RAB11B: variants seen among roughly 807,000 people sequenced by gnomAD.
RAB11B encodes the protein RAB11B, member RAS oncogene family, also known as ras-related protein Rab-11B.
A neutral mutation model predicts 23.7 loss-of-function variants in RAB11B; 7 were observed. The ratio of observed to expected loss-of-function variants is 0.29; its 90% confidence interval spans 0.17 to 0.55. The LOEUF (loss-of-function observed/expected upper bound fraction) is 0.55, where lower values mean the gene tolerates loss of function less well. Ranked by LOEUF, RAB11B falls within the 20% of genes least tolerant of loss-of-function variation. The pLI is 0.93. For synonymous variants in RAB11B, 138 were observed against 132.0 expected, an observed-to-expected ratio of 1.05 and a Z score of -0.31; for missense variants, 189 against 320.0, an observed-to-expected ratio of 0.59 and a Z score of 3.12.
chr19:8,396,021 G>A lies in RAB11B; in HGVS notation c.41-3842G>A, dbSNP rs1971394263. Among the ~76,000 whole-genome samples the A allele has an allele frequency of 6.6e-6, 1 of 152,214 alleles. No individual in the cohort carries two copies. Among genetic ancestry groups the A allele is most frequent in the South Asian group, 2.1e-4 (1 of 4,834 alleles). On this transcript the variant is annotated intron_variant, in intron 1 of 4. Coordinates refer to ENST00000328024, the MANE Select transcript of RAB11B (RefSeq NM_004218.4). This position sits in a 1 kb window ranked among gnomAD's most constrained non-coding sequence, Gnocchi z 5.0. ...CAAACATGCATAGCTTCAGGGTCCT[G>A]CTCTGCCCCGCACCCCGTTCCCCAT...
At position 8,396,628 on chromosome 19, in the gene RAB11B, G is replaced by A. The variant is rs1425859661; in HGVS notation, c.41-3235G>A. 1.3e-5 allele frequency among the ~76,000 whole-genome samples: 2 copies of A among 151,458 alleles called. No homozygotes were observed. Among genetic ancestry groups the A allele is most frequent in the East Asian group, 1.9e-4 (1 of 5,140 alleles). Reference sequence around the variant, plus strand: ...GCGTTTCTGGCAGCAGGAGCAACCCGTGCAAAGGCCCTGAGGCAGGATCGC... The same window carrying A: ...GCGTTTCTGGCAGCAGGAGCAACCCATGCAAAGGCCCTGAGGCAGGATCGC... On this transcript the variant is annotated intron_variant, in intron 1 of 4. Transcript: ENST00000328024. The surrounding 1 kb of genome is among the most constrained non-coding windows in gnomAD (Gnocchi z 5.0).
At chr19:8,400,220 A>ACC in intron 2 of RAB11B, 162 bp downstream of exon 2, 1 of 886,296 alleles carries the variant, frequency 1.1e-6, no homozygotes, top group Admixed American at 2.5e-5. Flanking sequence ...GCGCCGTGGG[A>ACC]CCCTCAGGCT....
intron 1 of RAB11B, among the ~76,000 whole-genome samples, chr19:8,395,432 A>G (rs1971389532): frequency 6.6e-6 from 1 of 151,878 alleles, no homozygotes; most frequent in South Asian, 2.1e-4. Context: ...TATTTTTCAT[A>G]GAGACGGGGT....
In RAB11B at chr19:8,403,579, G is replaced by C; in HGVS notation, c.*21G>C. The C allele has an allele frequency of 6.2e-7, 1 of 1,601,520 alleles. No homozygotes were observed. Among genetic ancestry groups the C allele is most frequent in the Non-Finnish European group, 8.5e-7 (1 of 1,171,640 alleles). ...TGTGACCCCTGCGCCTCCACCCAGC[G>C]TGCGTGCACGTCCTCCGCCCGCCCC... On this transcript the variant is annotated 3_prime_UTR_variant, in exon 5 of 5. Transcript: ENST00000328024.
chr19:8,399,829 G>A (rs1367060583), intron 1 of RAB11B, 34 bp from the exon 2 acceptor site: 1 of 1,602,468 alleles, frequency 6.2e-7, no homozygotes, highest in East Asian at 2.2e-5. Context: ...TGGGTGGAGT[G>A]TGGGGATTCA....
intron 1 of RAB11B, among the ~76,000 whole-genome samples, chr19:8,391,092 CTT>C (rs1168700353): frequency 1.3e-5 from 2 of 152,168 alleles, no homozygotes; most frequent in Non-Finnish European, 2.9e-5. Context: ...AATTCCATCT[CTT>C]CACTCAGAAC....
In RAB11B at chr19:8,390,371, G is replaced by A. The variant is rs372737756; in HGVS notation, c.-46G>A. The A allele has an allele frequency of 6.6e-7, 1 of 1,507,326 alleles. No individual in the cohort carries two copies. The highest frequency in any genetic ancestry group is 2.7e-5 in the East Asian group (1 of 36,882). 93.4% of individuals were successfully genotyped at this position (1,507,326 alleles called of 1,614,324 possible). A position where few individuals can be genotyped will look rare whatever the true frequency, so the allele number is the denominator to read the frequency against. ...CCGGCTCCGCCCCCGTCGGGTGTTT[G>A]TGGTGGGGCTGCGGAGTCGCCGATC... is the stretch of plus-strand genomic sequence containing the variant. On this transcript the variant is annotated 5_prime_UTR_variant, in exon 1 of 5. In the 5' UTR this introduces an upstream ATG that the reference lacks. Coordinates refer to ENST00000328024, the MANE Select transcript of RAB11B (RefSeq NM_004218.4).
At chr19:8,400,085 C>A in intron 2 of RAB11B, 27 bp downstream of exon 2, 1 of 1,601,640 alleles carries the variant, frequency 6.2e-7, no homozygotes, top group South Asian at 1.1e-5. Context: ...TGGGCAGGGA[C>A]GCTGAGATTC....
intron 2 of RAB11B, 133 bp downstream of exon 2, chr19:8,400,191 G>A (rs529029125): frequency 1.7e-6 from 2 of 1,151,464 alleles, no homozygotes; most frequent in South Asian, 3.0e-5. Flanking sequence ...GAGTGAGGCT[G>A]GAAGAACGCT....
chr19:8,402,027 G>T, intron 2 of RAB11B, 59 bp from the exon 3 acceptor site: 1 of 1,487,762 alleles, frequency 6.7e-7, no homozygotes. Context: ...GTTATCCCGT[G>T]AGGCTGCCGC....
rs371446650 is a variant in RAB11B, at chr19:8,402,079, C to G, written c.237-7C>G. The G allele has an allele frequency of 3.0e-4, 472 of 1,580,044 alleles. No homozygotes were observed. Among genetic ancestry groups the G allele is most frequent in the Non-Finnish European group, 3.8e-4 (446 of 1,162,200 alleles). On this transcript the variant is annotated splice_polypyrimidine_tract_variant and splice_region_variant and intron_variant, in intron 2 of 4. Coordinates refer to ENST00000328024, the MANE Select transcript of RAB11B (RefSeq NM_004218.4). The stretch of plus-strand genomic sequence containing the variant: ...CCAGAGAGGCTCATGGGCCCCTGAC[C>G]CTGCAGGTACTACCGTGGTGCAGTG...
Position 8,390,391 on chromosome 19 carries a change from C to G in RAB11B, c.-26C>G, listed in dbSNP as rs780876834. On this transcript the variant is annotated 5_prime_UTR_variant, in exon 1 of 5. Coordinates refer to ENST00000328024, the MANE Select transcript of RAB11B (RefSeq NM_004218.4). ...TGTTTGTGGTGGGGCTGCGGAGTCG[C>G]CGATCCCGCCGGAAGCGCCAGGACA... The G allele has an allele frequency of 1.2e-5, 19 of 1,527,442 alleles. No homozygotes were observed. Among genetic ancestry groups the G allele is most frequent in the Non-Finnish European group, 1.6e-5 (18 of 1,141,404 alleles). The allele number at this position is 1,527,442 out of a possible 1,614,324, so 94.6% of individuals were successfully genotyped here.
chr19:8,399,294 G>A (rs1450511411), intron 1 of RAB11B, among the ~76,000 whole-genome samples: 2 of 152,116 alleles, frequency 1.3e-5, no homozygotes, highest in African/African-American at 4.8e-5. Flanking sequence ...CACCATGTTG[G>A]CCAGGCTGGT....
rs751962516 is a variant in RAB11B at position 8,402,474 on chromosome 19, C to T, written c.431-11C>T. Reference sequence around the variant, plus strand: ...CCTCCCCACTCACCTAGGCAGTATTCTTTGTTCCAGAAAAGAACAACTTGT... The same window carrying T: ...CCTCCCCACTCACCTAGGCAGTATTTTTTGTTCCAGAAAAGAACAACTTGT... On this transcript the variant is annotated splice_polypyrimidine_tract_variant and intron_variant, in intron 3 of 4. Coordinates refer to ENST00000328024, the MANE Select transcript of RAB11B (RefSeq NM_004218.4). 1 of 1,611,500 alleles carries T rather than the reference C, an allele frequency of 6.2e-7. No individual in the cohort carries two copies. The highest frequency in any genetic ancestry group is 1.7e-5 in the Admixed American group (1 of 60,020).
intron 1 of RAB11B, chr19:8,390,730 G>A (rs1346244246): frequency 8.4e-6 from 3 of 355,898 alleles, no homozygotes; most frequent in African/African-American, 2.1e-5. Context: ...CGGAGCGGTG[G>A]GAGAGGCTGT....
intron 1 of RAB11B, chr19:8,390,699 G>C (rs904433074): frequency 1.0e-5 from 4 of 388,476 alleles, no homozygotes; most frequent in Admixed American, 4.7e-5. Flanking sequence ...GGCGGGGCCA[G>C]AGCCTAGAGG....
Position 8,399,363 on chromosome 19 carries a change from C to T in RAB11B, c.41-500C>T, listed in dbSNP as rs556089054. 2.0e-5 allele frequency among the ~76,000 whole-genome samples: 3 copies of T among 152,354 alleles called. No homozygotes were observed. In the South Asian group the frequency reaches 6.2e-4, roughly 32 times the overall value. On this transcript the variant is annotated intron_variant, in intron 1 of 4. Coordinates refer to ENST00000328024, the MANE Select transcript of RAB11B (RefSeq NM_004218.4). ...TCATCCTCTCAAAGCATTGAGATTA[C>T]AGGCGGGAGCCACCGTGCCTGGCCA...
At chr19:8,392,675 T>TTTTTC (rs1568226945) in intron 1 of RAB11B, among the ~76,000 whole-genome samples, 6 of 130,362 alleles carry the variant, frequency 4.6e-5, no homozygotes, top group African/African-American at 1.5e-4. Flanking sequence ...TTTCTTTTCC[T>TTTTTC]TTTTCTTTTC....
intron 1 of RAB11B, among the ~76,000 whole-genome samples, chr19:8,399,080 G>A (rs933759085): frequency 5.3e-5 from 8 of 152,132 alleles, no homozygotes; most frequent in Non-Finnish European, 2.9e-5. Flanking sequence ...AGCCTCCCAA[G>A]TAGCTGGGGC....
Sources: gnomAD v4.1 joint callset for allele counts (sites outside exome capture counted in the v4.1 genomes callset) on GRCh38, gnomAD v4.1.1 for gene constraint, Gnocchi (gnomAD v3.1) non-coding constraint, MANE v1.5 for transcripts, NCBI Gene and HGNC (gene_info 2026-07-23, HGNC 2026-07-21) for gene names.